ROBO2: variants seen among roughly 807,000 people sequenced by gnomAD.
ROBO2 encodes the protein roundabout guidance receptor 2, also known as roundabout homolog 2.
A neutral mutation model predicts 160.8 loss-of-function variants in ROBO2; 53 were observed. The ratio of observed to expected loss-of-function variants is 0.33; its 90% CI spans 0.26 to 0.41. The LOEUF is 0.41. ROBO2 is among the 10% of genes least tolerant of loss of function. The pLI is 1.00. For missense variants in ROBO2, 1,577 were observed against 1,722.4 expected (o/e 0.92, Z 1.49); for synonymous variants, 664 against 611.7 (o/e 1.09, Z -1.26).
chr3:77,110,684 C>CATAT (rs66955153), intron 2 of ROBO2, among the ~76,000 whole-genome samples: 1 of 147,774 alleles, frequency 6.8e-6, no homozygotes. Context: ...TATGTATATA[C>CATAT]ATATATATAT....
chr3:76,310,796 C>T (rs908603907), intron 2 of ROBO2, among the ~76,000 whole-genome samples: 1 of 152,146 alleles, frequency 6.6e-6, no homozygotes, highest in African/African-American at 2.4e-5. Flanking sequence ...TCAAGCCCAG[C>T]ACTACCCACC....
chr3:76,890,297 A>G (rs1035903732), intron 2 of ROBO2, among the ~76,000 whole-genome samples: 2 of 152,178 alleles, frequency 1.3e-5, no homozygotes, highest in African/African-American at 2.4e-5. Context: ...AATTGAGGCT[A>G]AGAAGAATGA....
At position 77,622,215 on chromosome 3, in the gene ROBO2, T is replaced by C. The variant is rs2094916807; in HGVS notation, c.3555-12T>C. 6.2e-7 allele frequency: 1 copy of C among 1,610,736 alleles called. No homozygotes were observed. Among genetic ancestry groups the C allele is most frequent in the African/African-American group, 1.3e-5 (1 of 74,694 alleles). On this transcript the variant is annotated splice_polypyrimidine_tract_variant and intron_variant, in intron 22 of 25. Transcript: ENST00000461745. ...AGTTGCTTTTCTTTTTTAAATTTCATTTGAATTCTAGGCACATTCAAAGCA... is the reference window on the plus strand; with the variant it reads ...AGTTGCTTTTCTTTTTTAAATTTCACTTGAATTCTAGGCACATTCAAAGCA...
intron 2 of ROBO2, among the ~76,000 whole-genome samples, chr3:77,213,386 C>T (rs915369920): frequency 1.3e-5 from 2 of 152,164 alleles, no homozygotes; most frequent in Admixed American, 1.3e-4. Context: ...GTAGTATTCT[C>T]TGATGGTAGT....
chr3:76,113,321 T>C (rs1331532349), intron 2 of ROBO2, among the ~76,000 whole-genome samples: 2 of 152,078 alleles, frequency 1.3e-5, no homozygotes, highest in East Asian at 3.9e-4. Context: ...TAAGTTCAAT[T>C]ACTATAAAAA....
chr3:77,562,583 C>T lies in ROBO2; in HGVS notation c.1438-68C>T. On this transcript the variant is annotated intron_variant, in intron 9 of 25. Coordinates refer to ENST00000461745, the Ensembl canonical transcript of ROBO2. ...TTTTAAGAAATTAAATATTGCCTGGCTGTCATTGAGTAATTATTCTGCAAA... is the reference window on the plus strand; with the variant it reads ...TTTTAAGAAATTAAATATTGCCTGGTTGTCATTGAGTAATTATTCTGCAAA... The T allele has an allele frequency of 7.4e-6, 8 of 1,080,558 alleles. No individual in the cohort carries two copies. The Admixed American group carries it at 1.4e-4, about 19-fold the overall frequency. 66.9% of individuals were successfully genotyped at this position (1,080,558 alleles called of 1,614,324 possible).
At chr3:77,074,497 C>G (rs1174335218) in intron 1 of ROBO2, among the ~76,000 whole-genome samples, 4 of 152,160 alleles carry the variant, frequency 2.6e-5, no homozygotes, top group African/African-American at 7.2e-5. Flanking sequence ...TCTTTTCTAA[C>G]ACATTAGGGA....
At chr3:76,084,738 A>G (rs2108051067) in intron 2 of ROBO2, among the ~76,000 whole-genome samples, 1 of 152,216 alleles carries the variant, frequency 6.6e-6, no homozygotes, top group South Asian at 2.1e-4. Flanking sequence ...TTTTGTATCT[A>G]CATACACTGA....
chr3:76,046,807 A>T (rs2067467940), intron 2 of ROBO2, among the ~76,000 whole-genome samples: 1 of 150,724 alleles, frequency 6.6e-6, no homozygotes, highest in African/African-American at 2.5e-5. Flanking sequence ...CCAAATAACT[A>T]GAATATATCA....
intron 2 of ROBO2, among the ~76,000 whole-genome samples, chr3:76,406,383 G>A (rs2078125161): frequency 6.6e-6 from 1 of 151,854 alleles, no homozygotes; most frequent in Admixed American, 6.6e-5. Flanking sequence ...TCAATTTGTA[G>A]CAATAGTTGT....
intron 2 of ROBO2, among the ~76,000 whole-genome samples, chr3:76,762,585 T>G (rs1320153892): frequency 6.6e-6 from 1 of 151,628 alleles, no homozygotes; most frequent in African/African-American, 2.4e-5. Flanking sequence ...ATCCTAAGTT[T>G]GGAATTAAAA....
At chr3:76,816,452 A>T (rs1200493330) in intron 2 of ROBO2, among the ~76,000 whole-genome samples, 9 of 152,076 alleles carry the variant, frequency 5.9e-5, no homozygotes, top group African/African-American at 1.9e-4. Context: ...AAAGCGTGTG[A>T]TTCAGAGTGT....
In ROBO2 at chr3:76,934,959, AT is replaced by A. The variant is rs1362508946; in HGVS notation, c.110-163042del. 3.3e-3 allele frequency among the ~76,000 whole-genome samples: 493 copies of A among 147,236 alleles called. 3 individuals are homozygous for A. The highest frequency in any genetic ancestry group is 0.014 in the South Asian group (65 of 4,698). The stretch of plus-strand genomic sequence containing the variant: ...TTTGAAATAATTTCAGGCTTCACAA[AT>A]TTTTTTTTTTTTAGACCATCTCACT... On this transcript the variant is annotated intron_variant, in intron 2 of 26. Coordinates refer to the ROBO2 transcript ENST00000487694.
At chr3:76,641,799 G>A (rs541404929) in intron 2 of ROBO2, among the ~76,000 whole-genome samples, 7 of 152,240 alleles carry the variant, frequency 4.6e-5, no homozygotes, top group South Asian at 2.1e-4. Flanking sequence ...GTTCAGTGGC[G>A]TGATTATAGC....
At chr3:77,579,919 A>G (rs555761838) in intron 15 of ROBO2, 28 bp from the exon 17 acceptor site, 2 of 1,595,484 alleles carry the variant, frequency 1.3e-6, no homozygotes, top group Non-Finnish European at 1.7e-6. Flanking sequence ...TCTTATATCC[A>G]TGTGTTATTC....
chr3:77,041,450 A>G (rs759643208), intron 1 of ROBO2, among the ~76,000 whole-genome samples: 6 of 152,194 alleles, frequency 3.9e-5, no homozygotes, highest in Non-Finnish European at 7.3e-5. Context: ...ACAGGAGTAG[A>G]ACACTTAGCT....
At chr3:77,071,307 AC>A (rs1264659965) in intron 1 of ROBO2, among the ~76,000 whole-genome samples, 1 of 152,152 alleles carries the variant, frequency 6.6e-6, no homozygotes, top group Non-Finnish European at 1.5e-5. Context: ...TTTTAGAAAC[AC>A]CTGCTCATTC....
chr3:76,276,363 C>A (rs1707921236), intron 2 of ROBO2, among the ~76,000 whole-genome samples: 1 of 152,002 alleles, frequency 6.6e-6, no homozygotes, highest in Non-Finnish European at 1.5e-5. Flanking sequence ...ATTGAGAATT[C>A]ATTGTATCAA....
chr3:76,300,657 T>C (rs1411849747), intron 2 of ROBO2, among the ~76,000 whole-genome samples: 1 of 152,070 alleles, frequency 6.6e-6, no homozygotes, highest in Non-Finnish European at 1.5e-5. Flanking sequence ...AATGTGTGTG[T>C]ATAAATTGTA....
Sources: allele counts gnomAD v4.1 joint callset (sites outside exome capture counted in the v4.1 genomes callset), GRCh38; gene constraint gnomAD v4.1.1; transcripts MANE v1.5; gene names NCBI Gene and HGNC (gene_info 2026-07-23, HGNC 2026-07-21).